The following AP3B1 variants were observed in gnomAD, a reference collection of about 807,000 sequenced individuals.
AP3B1 encodes the protein adaptor related protein complex 3 subunit beta 1.
Under a neutral mutation model 132.5 loss-of-function variants are expected in AP3B1, and 61 were observed. The observed-to-expected ratio is 0.46, with a 90% CI of 0.37 to 0.57. The LOEUF is 0.57. Ranked by LOEUF, AP3B1 falls within the 20% of genes least tolerant of loss-of-function variation. AP3B1 has a pLI of 0.00. For missense variants in AP3B1, 1,120 were observed against 1,289.4 expected (o/e 0.87, Z 2.01); for synonymous variants, 388 against 438.3 (o/e 0.89, Z 1.43).
intron 21 of AP3B1, among the ~76,000 whole-genome samples, chr5:78,094,626 C>T (rs544545229): frequency 7.9e-5 from 12 of 152,068 alleles, no homozygotes; most frequent in Non-Finnish European, 4.4e-5. Context: ...TAACTTTATT[C>T]TGCCTAGTAT....
intron 8 of AP3B1, among the ~76,000 whole-genome samples, chr5:78,180,383 G>C (rs1744316150): frequency 6.6e-6 from 1 of 151,950 alleles, no homozygotes; most frequent in Non-Finnish European, 1.5e-5. Context: ...GGATATAACT[G>C]CCAGTTAACA....
Position 78,204,509 on chromosome 5 carries a change from A to G in AP3B1, c.786+11546T>C, listed in dbSNP as rs553922114. On this transcript the variant is annotated intron_variant, in intron 7 of 26. Transcript: ENST00000255194. ...GCATGAAATGGACTTTCTAGATCCC[A>G]TATTATCCACAGGAGCTTCTCAACT... 2.0e-5 allele frequency among the ~76,000 whole-genome samples: 3 copies of G among 152,342 alleles called. No homozygotes were observed. In the East Asian group the frequency reaches 5.8e-4, roughly 29 times the overall value.
At chr5:78,026,181 T>A (rs537892025) in intron 24 of AP3B1, among the ~76,000 whole-genome samples, 1 of 152,218 alleles carries the variant, frequency 6.6e-6, no homozygotes, top group South Asian at 2.1e-4. Flanking sequence ...AAATGACTGA[T>A]GATAGATGTA....
chr5:78,241,028 G>A (rs1270881372), intron 2 of AP3B1, 92 bp from the exon 3 acceptor site: 13 of 880,834 alleles, frequency 1.5e-5, no homozygotes, highest in Admixed American at 7.6e-5. Context: ...GTAATTAACC[G>A]CTGAACTCTT....
intron 1 of AP3B1, among the ~76,000 whole-genome samples, chr5:78,292,193 G>C (rs1054533273): frequency 1.3e-5 from 2 of 152,136 alleles, no homozygotes; most frequent in Non-Finnish European, 2.9e-5. Flanking sequence ...TATAAACTTT[G>C]TCATTCGATT....
intron 22 of AP3B1, among the ~76,000 whole-genome samples, chr5:78,048,907 G>C (rs1748457678): frequency 6.6e-6 from 1 of 152,152 alleles, no homozygotes; most frequent in African/African-American, 2.4e-5. Flanking sequence ...GCTTGTAATG[G>C]GAGAATGCCC....
At chr5:78,075,038 G>A (rs567847085) in intron 22 of AP3B1, among the ~76,000 whole-genome samples, 7 of 152,192 alleles carry the variant, frequency 4.6e-5, no homozygotes, top group African/African-American at 1.4e-4. Context: ...CTTAGTAAAC[G>A]TACATATTCA....
intron 1 of AP3B1, among the ~76,000 whole-genome samples, chr5:78,291,231 C>T (rs1280254647): frequency 6.6e-6 from 1 of 151,840 alleles, no homozygotes; most frequent in African/African-American, 2.4e-5. Flanking sequence ...TCAGTGAACA[C>T]AGAGCTCTAG....
chr5:78,034,723 T>C (rs1043718038), intron 23 of AP3B1, among the ~76,000 whole-genome samples: 1 of 151,982 alleles, frequency 6.6e-6, no homozygotes, highest in Non-Finnish European at 1.5e-5. Flanking sequence ...AAATGTCATG[T>C]TTTCTAATAT....
At chr5:78,156,757 T>C (rs536709548) in intron 13 of AP3B1, among the ~76,000 whole-genome samples, 2 of 152,194 alleles carry the variant, frequency 1.3e-5, no homozygotes, top group East Asian at 3.9e-4. Context: ...TTATCTACAA[T>C]CTAAACAACA....
intron 22 of AP3B1, among the ~76,000 whole-genome samples, chr5:78,052,783 C>A (rs1256059017): frequency 6.6e-6 from 1 of 152,186 alleles, no homozygotes; most frequent in Non-Finnish European, 1.5e-5. Flanking sequence ...TTCTATATAT[C>A]TGAAAGCCAG....
chr5:78,291,286 AAC>A (rs1167774497), intron 1 of AP3B1, among the ~76,000 whole-genome samples: 1 of 152,136 alleles, frequency 6.6e-6, no homozygotes, highest in African/African-American at 2.4e-5. Flanking sequence ...TTGCAGCTGA[AAC>A]ATTACCATTT....
intron 22 of AP3B1, among the ~76,000 whole-genome samples, chr5:78,070,561 G>C (rs1181232527): frequency 1.3e-5 from 2 of 151,962 alleles, no homozygotes. Context: ...TTGACAAATG[G>C]GATTTAATTA....
chr5:78,265,904 T>G (rs575395071), intron 2 of AP3B1, among the ~76,000 whole-genome samples: 15 of 152,374 alleles, frequency 9.8e-5, no homozygotes, highest in Admixed American at 2.0e-4. Context: ...TATTTTCACT[T>G]TGTTGGGCAA....
chr5:78,178,938 A>T (rs987694276), intron 8 of AP3B1, among the ~76,000 whole-genome samples: 8 of 152,182 alleles, frequency 5.3e-5, no homozygotes, highest in African/African-American at 1.9e-4. Flanking sequence ...AAAATACAGT[A>T]TACAGGGTCC....
intron 1 of AP3B1, among the ~76,000 whole-genome samples, chr5:78,272,914 A>G (rs1205173463): frequency 6.6e-6 from 1 of 152,234 alleles, no homozygotes; most frequent in African/African-American, 2.4e-5. Flanking sequence ...TGGCTGCTAC[A>G]TTCAGAATAT....
chr5:78,153,071 T>C (rs1753737954), intron 14 of AP3B1, among the ~76,000 whole-genome samples: 1 of 152,192 alleles, frequency 6.6e-6, no homozygotes, highest in African/African-American at 2.4e-5. Flanking sequence ...ATAGCACAAA[T>C]TAAGTCCAAT....
intron 5 of AP3B1, among the ~76,000 whole-genome samples, chr5:78,226,280 T>C (rs1444308326): frequency 6.6e-6 from 1 of 152,112 alleles, no homozygotes; most frequent in Non-Finnish European, 1.5e-5. Context: ...AGAAGCATGA[T>C]AAAACCTTGT....
chr5:78,094,025 T>G (rs544483488), intron 21 of AP3B1, among the ~76,000 whole-genome samples: 6 of 152,212 alleles, frequency 3.9e-5, no homozygotes, highest in African/African-American at 1.4e-4. Flanking sequence ...TAAGGCTTAT[T>G]TGAAGTATGA....
Sources: allele counts gnomAD v4.1 joint callset (sites outside exome capture counted in the v4.1 genomes callset), GRCh38; gene constraint gnomAD v4.1.1; transcripts MANE v1.5; gene names NCBI Gene and HGNC (gene_info 2026-07-23, HGNC 2026-07-21).